TTF1: variants seen among roughly 807,000 people sequenced by gnomAD.
The protein encoded by TTF1 is transcription termination factor, RNA polymerase I.
TTF1 carries 64 observed loss-of-function variants against 80.2 expected under a neutral mutation model. That is an observed-to-expected ratio of 0.80 (90% confidence interval 0.65 to 0.98). TTF1 has a LOEUF of 0.98. Ranked by LOEUF, TTF1 falls within the 50% of genes least tolerant of loss-of-function variation. The probability of loss-of-function intolerance (pLI) is 0.00; values close to 1 mark genes in which losing one functional copy is unlikely to be tolerated. For missense variants in TTF1, 1,023 were observed against 1,086.2 expected, an observed-to-expected ratio of 0.94 and a Z score of 0.82; for synonymous variants, 372 against 382.7, an observed-to-expected ratio of 0.97 and a Z score of 0.33.
In TTF1 at chr9:132,396,496, C is replaced by A. The variant is rs778964167; in HGVS notation, c.1793G>T (p.Arg598Leu). 3 of 1,614,008 alleles carry A rather than the reference C, an allele frequency of 1.9e-6. No homozygotes were observed. The highest frequency in any genetic ancestry group is 8.5e-7 in the Non-Finnish European group (1 of 1,179,992). ...TCGATAGTATATAAGTTTCCAGGGC[C>A]GGGCAATGTTCCTACCTAAAGTCAG... ...FRLHIGRNIA[R>L]PWKLIYYRAK... The change falls in exon 5 of 11, where the codon CGG (arginine) becomes CTG (leucine). Residue 598 changes from arginine (R) to leucine (L), a missense_variant. Coordinates refer to ENST00000334270, the MANE Select transcript of TTF1 (RefSeq NM_007344.4).
chr9:132,389,193 T>C (rs1472644751), intron 7 of TTF1, among the ~76,000 whole-genome samples: 3 of 151,380 alleles, frequency 2.0e-5, no homozygotes, highest in Non-Finnish European at 4.4e-5. Flanking sequence ...TTTTTTTTTT[T>C]TTTTTTTGAG....
chr9:132,396,557 G>T, intron 4 of TTF1, 46 bp from the exon 5 acceptor site: 1 of 1,561,792 alleles, frequency 6.4e-7, no homozygotes, highest in Non-Finnish European at 8.8e-7. Flanking sequence ...ATGAAATGAA[G>T]TCGCAATTGT....
intron 2 of TTF1, 82 bp from the exon 3 acceptor site, chr9:132,400,340 C>T (rs1197371580): frequency 1.6e-5 from 19 of 1,189,284 alleles, no homozygotes; most frequent in South Asian, 3.9e-5. Flanking sequence ...TCTTTTTTTT[C>T]GTGAGACAGA....
At chr9:132,406,443 A>C (rs1849868881) in intron 1 of TTF1, among the ~76,000 whole-genome samples, 1 of 152,028 alleles carries the variant, frequency 6.6e-6, no homozygotes. Flanking sequence ...CTCTACTAAA[A>C]ATACAAAAAT....
At position 132,402,691 on chromosome 9, in the gene TTF1, T is replaced by C; in HGVS notation, c.131A>G (p.Asn44Ser). The C allele has an allele frequency of 3.1e-6, 5 of 1,614,162 alleles. No individual in the cohort carries two copies. The highest frequency in any genetic ancestry group is 4.2e-6 in the Non-Finnish European group (5 of 1,180,036). Residue 44 changes from asparagine to serine, a missense_variant, in exon 2 of 11, where the codon AAT becomes AGT. Asn to Ser is a conservative substitution (Grantham distance 46, BLOSUM62 1). Transcript: ENST00000334270. ...CCTCCTAGTTATTTGAGACTGTTCA[T>C]TCACCAGGGAGGAGTCTCTGAAAAT... ...HEIFRDSSLVNEQSQITRRKK... is the reference protein window; with the variant it reads ...HEIFRDSSLVSEQSQITRRKK...
intron 9 of TTF1, among the ~76,000 whole-genome samples, chr9:132,381,914 G>A (rs995904475): frequency 6.6e-6 from 1 of 152,108 alleles, no homozygotes; most frequent in Non-Finnish European, 1.5e-5. Context: ...CCTCACACCA[G>A]TAGCCACACT....
chr9:132,387,756 A>T (rs1849495317), intron 8 of TTF1, among the ~76,000 whole-genome samples: 1 of 152,226 alleles, frequency 6.6e-6, no homozygotes. Flanking sequence ...CAAGGGTGAC[A>T]CCAACAAGCT....
At position 132,401,543 on chromosome 9, in the gene TTF1, C is replaced by T. The variant is rs763134689; in HGVS notation, c.1279G>A (p.Ala427Thr). ...TLFDSVEGDG[A>T]MMEEGVKSRP... ...GATTTCACACCTTCTTCCATCATGG[C>T]GCCATCACCTTCTACTGAATCAAAG... The change falls in exon 2 of 11, where the codon GCC becomes ACC. Residue 427 changes from alanine (A) to threonine (T), a missense_variant. Transcript: ENST00000334270. 34 of 1,614,014 alleles carry T rather than the reference C, an allele frequency of 2.1e-5. No individual in the cohort carries two copies. In the East Asian group the frequency reaches 3.3e-4, roughly 16 times the overall value.
chr9:132,378,615 G>A lies in TTF1; in HGVS notation c.2464+444C>T, dbSNP rs553636855. On this transcript the variant is annotated intron_variant, in intron 10 of 10. Coordinates refer to ENST00000334270, the MANE Select transcript of TTF1 (RefSeq NM_007344.4). ...TGCATGTGGTGTGAGTGCATGTGGT[G>A]TGAGTGCATGTGGTTGGTGTGAGTG... 2.8e-5 allele frequency among the ~76,000 whole-genome samples: 4 copies of A among 144,918 alleles called. No individual in the cohort carries two copies. In the South Asian group the frequency reaches 8.9e-4, roughly 32 times the overall value.
At chr9:132,391,974 A>G (rs1849565848) in intron 6 of TTF1, 102 bp downstream of exon 6, 1 of 1,533,720 alleles carries the variant, frequency 6.5e-7, no homozygotes, top group South Asian at 1.3e-5. Context: ...CTTGCGGAAG[A>G]CAGGTCTACG....
At chr9:132,396,123 G>A (rs1391566794) in intron 5 of TTF1, among the ~76,000 whole-genome samples, 1 of 152,172 alleles carries the variant, frequency 6.6e-6, no homozygotes, top group Non-Finnish European at 1.5e-5. Context: ...TTCACAAGGA[G>A]CTTATGACGT....
rs377373408 is a variant in TTF1 at position 132,402,070 on chromosome 9, T to C, written c.752A>G (p.Gln251Arg). ...CAAGCCCACAGTAGGCTGGGATTCC[T>C]GCATATCAGTCCCGGCCTCTCTGCC... Reference protein sequence around the residue: ...QAGREAGTDMQESQPTVGLDD... With the variant: ...QAGREAGTDMRESQPTVGLDD... The change falls in exon 2 of 11, where the codon CAG becomes CGG. Residue 251 changes from glutamine to arginine, a missense_variant. Physicochemically the swap from Gln to Arg is conservative, Grantham distance 43 (BLOSUM62 1). Transcript: ENST00000334270. 1.1e-5 allele frequency: 18 copies of C among 1,614,084 alleles called. No individual in the cohort carries two copies. The African/African-American group carries it at 2.1e-4, about 19-fold the overall frequency.
chr9:132,379,025 TG>T, intron 10 of TTF1, 33 bp downstream of exon 10: 1 of 1,510,654 alleles, frequency 6.6e-7, no homozygotes, highest in African/African-American at 1.4e-5. Context: ...CCAAATGCCA[TG>T]TTCTTAGCCA....
intron 7 of TTF1, among the ~76,000 whole-genome samples, chr9:132,389,154 T>C (rs1849518296): frequency 1.3e-5 from 2 of 151,586 alleles, no homozygotes; most frequent in Non-Finnish European, 2.9e-5. Context: ...TATGTCATCC[T>C]CCACTTGAGG....
In TTF1 at chr9:132,384,890, A is replaced by G. The variant is rs562342335; in HGVS notation, c.2378+1666T>C. The stretch of plus-strand genomic sequence containing the variant: ...AGGCTGGTCTTGAACTCCTGACCTC[A>G]GGTGATCTGCCCACCTTGGCCTCCC... On this transcript the variant is annotated intron_variant, in intron 9 of 10. Coordinates refer to ENST00000334270, the MANE Select transcript of TTF1 (RefSeq NM_007344.4). The surrounding 1 kb of genome is among the most constrained non-coding windows in gnomAD (Gnocchi z 4.1). Among the ~76,000 whole-genome samples the G allele has an allele frequency of 1.8e-4, 27 of 152,264 alleles. No individual in the cohort carries two copies. Among genetic ancestry groups the G allele is most frequent in the African/African-American group, 6.3e-4 (26 of 41,562 alleles).
Position 132,375,853 on chromosome 9 carries a change from T to G in TTF1, c.*62A>C. Reference sequence around the variant, plus strand: ...GTGCACTACCACACCCGGCTAATTTTTGCATTTTTAATAGTGACAGGTCTT... The same window carrying G: ...GTGCACTACCACACCCGGCTAATTTGTGCATTTTTAATAGTGACAGGTCTT... On this transcript the variant is annotated 3_prime_UTR_variant, in exon 11 of 11. Transcript: ENST00000334270. 3.8e-6 allele frequency: 4 copies of G among 1,043,636 alleles called. No individual in the cohort carries two copies. In the South Asian group the frequency reaches 4.3e-5, roughly 11 times the overall value. 64.6% of individuals were successfully genotyped at this position (1,043,636 alleles called of 1,614,324 possible).
chr9:132,395,938 T>G (rs1849640100), intron 5 of TTF1, among the ~76,000 whole-genome samples: 2 of 152,174 alleles, frequency 1.3e-5, no homozygotes. Flanking sequence ...GATATTGTAT[T>G]TGGGGAAAAG....
Position 132,387,981 on chromosome 9 carries a change from G to C in TTF1, c.2312+158C>G, listed in dbSNP as rs3780820. ...AGATGAGTTAAGATGAGTAAACTGA[G>C]ACTTAGAAGGGTAGGTCATATGCCC... On this transcript the variant is annotated intron_variant, in intron 8 of 10. Transcript: ENST00000334270. 3.4e-4 allele frequency among the ~76,000 whole-genome samples: 52 copies of C among 152,362 alleles called. 1 individual carries two copies. In the East Asian group the frequency reaches 9.3e-3, roughly 27 times the overall value.
At chr9:132,396,597 A>G in intron 4 of TTF1, 86 bp from the exon 5 acceptor site, 1 of 1,075,458 alleles carries the variant, frequency 9.3e-7, no homozygotes. Context: ...CCTTATAACA[A>G]CATGAACTAT....
Sources: allele counts gnomAD v4.1 joint callset (sites outside exome capture counted in the v4.1 genomes callset), GRCh38; gene constraint gnomAD v4.1.1; non-coding constraint Gnocchi (gnomAD v3.1); transcripts MANE v1.5; gene names NCBI Gene and HGNC (gene_info 2026-07-23, HGNC 2026-07-21).